Variants in DMBT1 observed in about 807,000 individuals in gnomAD.
DMBT1 encodes scavenger receptor cysteine-rich domain-containing protein DMBT1.
A neutral mutation model predicts 252.9 loss-of-function variants in DMBT1; 198 were observed. The ratio of observed to expected loss-of-function variants is 0.78; its 90% CI spans 0.70 to 0.88. The LOEUF is 0.88. Among genes scored for constraint, DMBT1 ranks in the 40% least tolerant of loss-of-function variants. DMBT1 has a pLI of 0.00. For missense variants in DMBT1, 2,432 were observed against 2,404.7 expected (o/e 1.01, Z -0.24); for synonymous variants, 990 against 942.7 (o/e 1.05, Z -0.92).
chr10:122,568,948 A>G (rs1323965965), intron 2 of DMBT1, among the ~76,000 whole-genome samples: 4 of 152,202 alleles, frequency 2.6e-5, no homozygotes, highest in Non-Finnish European at 5.9e-5. Flanking sequence ...TGCAACTCTG[A>G]GTCAATATTA....
At chr10:122,576,347 G>A in intron 6 of DMBT1, 52 bp from the exon 7 acceptor site, 1 of 1,597,966 alleles carries the variant, frequency 6.3e-7, no homozygotes. Flanking sequence ...CAGGCCCTGA[G>A]ACCTTGTGCC....
intron 39 of DMBT1, among the ~76,000 whole-genome samples, chr10:122,617,007 C>A (rs1258020981): frequency 2.0e-4 from 27 of 134,912 alleles, no homozygotes; most frequent in Non-Finnish European, 4.0e-4. Flanking sequence ...GAAAGATACC[C>A]CAGGATTAGA....
intron 41 of DMBT1, among the ~76,000 whole-genome samples, chr10:122,619,066 A>T (rs943459135): frequency 6.6e-6 from 1 of 152,128 alleles, no homozygotes; most frequent in African/African-American, 2.4e-5. Flanking sequence ...TTTTGGGTCA[A>T]CCTGGTCACC....
intron 2 of DMBT1, 43 bp downstream of exon 2, chr10:122,566,039 A>G: frequency 6.2e-7 from 1 of 1,606,920 alleles, no homozygotes; most frequent in Non-Finnish European, 8.5e-7. Context: ...GGGGTTGGCC[A>G]GTTCTCCTCT....
chr10:122,626,044 C>T (rs2098116762), intron 46 of DMBT1, 79 bp downstream of exon 46: 9 of 1,184,256 alleles, frequency 7.6e-6, no homozygotes, highest in Non-Finnish European at 1.1e-5. Context: ...AGCGAATGCT[C>T]TGCCCCACCC....
At chr10:122,629,670 T>G (rs573204485) in intron 46 of DMBT1, among the ~76,000 whole-genome samples, 170 bp from the exon 47 acceptor site, 5 of 152,180 alleles carry the variant, frequency 3.3e-5, no homozygotes. Context: ...AAGCTTCTAA[T>G]GTTGGGCCAC....
intron 39 of DMBT1, among the ~76,000 whole-genome samples, chr10:122,616,804 A>G (rs372238892): frequency 0.044 from 1,124 of 25,432 alleles, 43 homozygotes; most frequent in South Asian, 0.091. Context: ...TGGGCAGGGA[A>G]AGGGATAATA....
Position 122,636,117 on chromosome 10 carries a change from CAT to C in DMBT1, c.6676_6677del (p.Ile2226SerfsTer5), listed in dbSNP as rs773983873. The C allele has an allele frequency of 7.4e-6, 12 of 1,613,852 alleles. No homozygotes were observed. The highest frequency in any genetic ancestry group is 1.0e-5 in the Non-Finnish European group (12 of 1,179,898). ...TCACTTCTTCCTCCAACTTCATGTC[CAT>C]TCGCTTCATCAGTGACCACAGCATC... The part of the protein sequence containing the change: ...SFTSSSNFMS[I>X]RFISDHSITR... On this transcript the variant is annotated frameshift_variant, in exon 53 of 56. Coordinates refer to ENST00000338354, the MANE Select transcript of DMBT1 (RefSeq NM_001377530.1). LOFTEE classifies it high-confidence loss of function.
chr10:122,560,802 G>C lies in DMBT1; in HGVS notation c.32G>C (p.Cys11Ser). The C allele has an allele frequency of 6.4e-7, 1 of 1,574,060 alleles. No homozygotes were observed. The highest frequency in any genetic ancestry group is 2.3e-5 in the East Asian group (1 of 43,366). Residue 11 changes from cysteine (C) to serine (S), a missense_variant, in exon 1 of 56, where the codon TGT becomes TCT. Cys to Ser is a moderately radical substitution (Grantham distance 112). Coordinates refer to ENST00000338354, the MANE Select transcript of DMBT1 (RefSeq NM_001377530.1). ...ATCTCCACAGTCATCCTTGAAATGT[G>C]TCTTTTATGGGGACAAGTTCTATCT... MGISTVILEM[C>S]LLWGQVLSTG... is the part of the protein sequence containing the mutation.
intron 26 of DMBT1, among the ~76,000 whole-genome samples, 193 bp downstream of exon 26, chr10:122,599,290 C>T (rs187300444): frequency 4.6e-5 from 7 of 152,320 alleles, no homozygotes; most frequent in African/African-American, 1.7e-4. Flanking sequence ...GGACAGGGGA[C>T]CAAACTCAAA....
chr10:122,591,636 C>A, intron 19 of DMBT1, 119 bp downstream of exon 19: 1 of 1,163,926 alleles, frequency 8.6e-7, no homozygotes, highest in Non-Finnish European at 1.2e-6. Context: ...TCCCTGTGCG[C>A]TGAGTGGGAG....
At chr10:122,625,748 C>T (rs1164108524) in intron 45 of DMBT1, among the ~76,000 whole-genome samples, 185 bp from the exon 46 acceptor site, 5 of 152,136 alleles carry the variant, frequency 3.3e-5, no homozygotes, top group Non-Finnish European at 7.3e-5. Context: ...TATCCTGGGC[C>T]AAATATGTTG....
chr10:122,599,000 C>A lies in DMBT1; in HGVS notation c.3183C>A (p.Arg1061=), dbSNP rs1565808390. ...GSGPIVLDDV[R]CSGHESYLWS... is the part of the protein sequence containing the mutation. ...GACCCATTGTCCTGGATGATGTGCGCTGCTCAGGACACGAGTCTTACCTGT... is the reference window on the plus strand; with the variant it reads ...GACCCATTGTCCTGGATGATGTGCGATGCTCAGGACACGAGTCTTACCTGT... The change falls in exon 26 of 56, where the codon CGC becomes CGA. Residue 1061 remains arginine (R), a synonymous_variant. Coordinates refer to ENST00000338354, the MANE Select transcript of DMBT1 (RefSeq NM_001377530.1). 1.4e-5 allele frequency: 22 copies of A among 1,613,792 alleles called. No individual in the cohort carries two copies. The highest frequency in any genetic ancestry group is 1.9e-5 in the Non-Finnish European group (22 of 1,179,744).
Position 122,592,568 on chromosome 10 carries a change from C to G in DMBT1, c.2473C>G (p.His825Asp). 2 of 1,588,536 alleles carry G rather than the reference C, an allele frequency of 1.3e-6. No individual in the cohort carries two copies. The highest frequency in any genetic ancestry group is 1.7e-4 in the Middle Eastern group (1 of 6,014). ...CTGGCTCTCCCACAACTGTGGCCATCATGAAGATGCTGGTGTCATCTGCTC... is the reference window on the plus strand; with the variant it reads ...CTGGCTCTCCCACAACTGTGGCCATGATGAAGATGCTGGTGTCATCTGCTC... ...NGWLSHNCGHHEDAGVICSVS... is the reference protein window; with the variant it reads ...NGWLSHNCGHDEDAGVICSVS... Residue 825 changes from histidine to aspartate, a missense_variant, in exon 20 of 56, where the codon CAT becomes GAT. Coordinates refer to ENST00000338354, the MANE Select transcript of DMBT1 (RefSeq NM_001377530.1).
Position 122,642,180 on chromosome 10 carries a change from A to AAC in DMBT1, c.7353-941_7353-940insCA, listed in dbSNP as rs1555041929. 8.7e-3 allele frequency among the ~76,000 whole-genome samples: 1,320 copies of AAC among 151,620 alleles called. 21 individuals carry two copies. The highest frequency in any genetic ancestry group is 0.03 in the African/African-American group (1,235 of 41,226). ...GCCACTAAGGGAGCTACTGTGAAAA[A>AAC]AAAAACAAAAACAAAAAAGAAAACT... is the stretch of plus-strand genomic sequence containing the variant. On this transcript the variant is annotated intron_variant, in intron 55 of 55. Transcript: ENST00000338354.
At chr10:122,572,166 G>A in intron 4 of DMBT1, 148 bp from the exon 5 acceptor site, 2 of 1,101,490 alleles carry the variant, frequency 1.8e-6, no homozygotes, top group Non-Finnish European at 2.8e-6. Context: ...CAGTGACAGA[G>A]TGATTGGCAC....
intron 1 of DMBT1, among the ~76,000 whole-genome samples, chr10:122,562,044 C>A (rs2097551861): frequency 6.6e-6 from 1 of 151,360 alleles, no homozygotes; most frequent in Admixed American, 6.6e-5. Context: ...TCTTTCTCAT[C>A]ATCTATTGGG....
rs1347595765 is a variant in DMBT1 at position 122,640,364 on chromosome 10, G to A, written c.7267G>A (p.Val2423Ile). The A allele has an allele frequency of 6.2e-6, 10 of 1,613,934 alleles. No individual in the cohort carries two copies. The highest frequency in any genetic ancestry group is 2.7e-5 in the African/African-American group (2 of 74,944). Residue 2423 changes from valine to isoleucine, a missense_variant, in exon 55 of 56, where the codon GTA becomes ATA. Around this residue, in one of 3 missense-constraint regions of DMBT1, gnomAD observed 1,162 missense variants for 1,169.0 expected, o/e 0.99. Coordinates refer to ENST00000338354, the MANE Select transcript of DMBT1 (RefSeq NM_001377530.1). ...VQAEILHSDA[V>I]LTLFVDTCVA... ...GGCTGAAATCCTCCATTCTGATGCT[G>A]TACTGACCTTGTTTGTGGACACCTG...
At position 122,631,182 on chromosome 10, in the gene DMBT1, G is replaced by C; in HGVS notation, c.6247G>C (p.Glu2083Gln). The C allele has an allele frequency of 1.2e-6, 2 of 1,614,022 alleles. No individual in the cohort carries two copies. Among genetic ancestry groups the C allele is most frequent in the Non-Finnish European group, 1.7e-6 (2 of 1,179,914 alleles). ...TGGCCCCATCACCCTGGACGATGTA[G>C]AGTGCTCAGGGACGGAATCCACTCT... Reference protein sequence around the residue: ...GSGPITLDDVECSGTESTLWQ... With the variant: ...GSGPITLDDVQCSGTESTLWQ... The change falls in exon 49 of 56, where the codon GAG becomes CAG. Residue 2083 changes from glutamate to glutamine, a missense_variant. Transcript: ENST00000338354.
Sources: allele counts gnomAD v4.1 joint callset (sites outside exome capture counted in the v4.1 genomes callset), GRCh38; gene constraint gnomAD v4.1.1; regional missense constraint gnomAD v4.1.1; transcripts MANE v1.5; gene names NCBI Gene and HGNC (gene_info 2026-07-23, HGNC 2026-07-21).